Variants in CASK observed in about 807,000 individuals in gnomAD.
The protein encoded by CASK is calcium/calmodulin dependent serine protein kinase.
In CASK, 4 loss-of-function variants were observed where a neutral mutation model predicts 82.9. The ratio of observed to expected loss-of-function variants is 0.05; its 90% CI spans 0.02 to 0.11. The LOEUF is 0.11. Among genes scored for constraint, CASK ranks in the 10% least tolerant of loss-of-function variants. The pLI is 1.00. For missense variants in CASK, 358 were observed against 720.9 expected (o/e 0.50, Z 5.76); for synonymous variants, 259 against 253.5 (o/e 1.02, Z -0.20).
At chrX:41,858,621 G>A (rs2071418370) in intron 1 of CASK, among the ~76,000 whole-genome samples, 1 of 111,588 alleles carries the variant, frequency 9.0e-6, no homozygotes, top group South Asian at 3.8e-4. Flanking sequence ...CTTGCCAACC[G>A]ACTTCCCAGA....
intron 12 of CASK, among the ~76,000 whole-genome samples, chrX:41,602,839 C>T (rs1242406066): frequency 9.2e-6 from 1 of 109,289 alleles, no homozygotes; most frequent in Non-Finnish European, 1.9e-5. Flanking sequence ...TTGTTTCATG[C>T]CGTACTTTTA....
intron 3 of CASK, among the ~76,000 whole-genome samples, chrX:41,771,634 T>C (rs1421556004): frequency 9.0e-6 from 1 of 111,520 alleles, no homozygotes. Flanking sequence ...ATTTGATGTG[T>C]TACGAAGCAT....
At chrX:41,759,997 T>C (rs780811966) in intron 3 of CASK, among the ~76,000 whole-genome samples, 21 of 111,842 alleles carry the variant, frequency 1.9e-4, no homozygotes, top group Non-Finnish European at 3.6e-4. Context: ...CTAATCAATG[T>C]TGTTTGACAA....
intron 1 of CASK, among the ~76,000 whole-genome samples, chrX:41,921,010 A>G (rs1387276709): frequency 8.9e-6 from 1 of 112,165 alleles, no homozygotes; most frequent in African/African-American, 3.2e-5. Context: ...GAGGAAACCA[A>G]GGAGATTTTT....
At chrX:41,870,780 G>C (rs1464354619) in intron 1 of CASK, among the ~76,000 whole-genome samples, 1 of 111,962 alleles carries the variant, frequency 8.9e-6, no homozygotes, top group Admixed American at 9.4e-5. Context: ...AAAGAACTGA[G>C]ACACAGTGTT....
chrX:41,921,654 T>TGA lies in CASK; in HGVS notation c.59+1275_59+1276insTC, dbSNP rs767399760. ...AGGAGTAACATGTCCTCACATCAAT[T>TGA]GGGTCTGAGTAAAGTGTGTAGCAAG... On this transcript the variant is annotated intron_variant, in intron 1 of 26. Transcript: ENST00000378163. Among the ~76,000 whole-genome samples the TGA allele has an allele frequency of 2.1e-4, 23 of 111,003 alleles. No individual in the cohort carries two copies. The South Asian group carries it at 8.8e-3, about 42-fold the overall frequency.
At chrX:41,667,118 C>A (rs952332100) in intron 6 of CASK, among the ~76,000 whole-genome samples, 2 of 111,750 alleles carry the variant, frequency 1.8e-5, no homozygotes, top group Non-Finnish European at 3.8e-5. Context: ...CCAGTCCCAG[C>A]CATCCTGAGA....
intron 2 of CASK, among the ~76,000 whole-genome samples, chrX:41,843,632 A>C (rs1172409691): frequency 9.0e-6 from 1 of 111,561 alleles, no homozygotes; most frequent in Non-Finnish European, 1.9e-5. Context: ...CTGTGTTCAA[A>C]TTTTGAACAT....
At chrX:41,813,433 T>C (rs1330158219) in intron 2 of CASK, among the ~76,000 whole-genome samples, 1 of 110,356 alleles carries the variant, frequency 9.1e-6, no homozygotes, top group African/African-American at 3.3e-5. Context: ...TCAGAAATAA[T>C]ACCACACATC....
chrX:41,530,522 C>T (rs1361164333), intron 25 of CASK, among the ~76,000 whole-genome samples: 1 of 111,970 alleles, frequency 8.9e-6, no homozygotes, highest in African/African-American at 3.2e-5. Flanking sequence ...GACATCTGGG[C>T]TCACTCATGC....
chrX:41,731,245 C>T (rs1213444030), intron 5 of CASK, among the ~76,000 whole-genome samples: 2 of 111,420 alleles, frequency 1.8e-5, no homozygotes, highest in Admixed American at 1.9e-4. Flanking sequence ...CATAGTGAGA[C>T]CACGTCTCTA....
chrX:41,568,435 G>C (rs1376593862), intron 16 of CASK, among the ~76,000 whole-genome samples: 1 of 110,528 alleles, frequency 9.0e-6, no homozygotes, highest in Non-Finnish European at 1.9e-5. Context: ...ACATCATGTT[G>C]TGTACACAGT....
At chrX:41,804,220 C>A (rs957005994) in intron 2 of CASK, among the ~76,000 whole-genome samples, 1 of 110,573 alleles carries the variant, frequency 9.0e-6, no homozygotes, top group East Asian at 2.8e-4. Flanking sequence ...TGGTGGCGGG[C>A]GCCTGTGGTC....
At chrX:41,710,494 C>T (rs893294096) in intron 5 of CASK, among the ~76,000 whole-genome samples, 2 of 111,543 alleles carry the variant, frequency 1.8e-5, no homozygotes, top group South Asian at 3.7e-4. Context: ...AATGTTTAGC[C>T]AGCACACTCA....
intron 12 of CASK, among the ~76,000 whole-genome samples, chrX:41,596,990 A>T (rs979873825): frequency 2.7e-5 from 3 of 112,694 alleles, no homozygotes; most frequent in South Asian, 7.2e-4. Context: ...AAACATAAAG[A>T]TGATAAAATC....
chrX:41,695,504 G>T, intron 5 of CASK: 1 of 478,653 alleles, frequency 2.1e-6, no homozygotes, highest in South Asian at 3.5e-5. Flanking sequence ...TTTAGTTAAA[G>T]TAACTGTTAT....
chrX:41,910,244 C>T (rs866043899), intron 1 of CASK, among the ~76,000 whole-genome samples: 39 of 109,832 alleles, frequency 3.6e-4, no homozygotes, highest in Middle Eastern at 4.8e-3. Flanking sequence ...TGTTTTATTT[C>T]AATAAAATTG....
chrX:41,776,850 C>A (rs2069374526), intron 3 of CASK, among the ~76,000 whole-genome samples: 1 of 112,142 alleles, frequency 8.9e-6, no homozygotes, highest in Non-Finnish European at 1.9e-5. Context: ...GTAAACATGT[C>A]AATTATTCTC....
chrX:41,923,450 G>C lies in CASK; in HGVS notation c.-462C>G, dbSNP rs1241926499. 1 of 111,422 alleles carries C rather than the reference G, an allele frequency of 9.0e-6. No homozygotes were observed. Among genetic ancestry groups the C allele is most frequent in the Non-Finnish European group, 1.9e-5 (1 of 52,748 alleles). 9.2% of individuals were successfully genotyped at this position (111,422 alleles called of 1,213,427 possible). ...CATGGAGCGAGGATCGCCGCGGAGGGAGGTGGCGGCGGCGGCGGATCGGCG... is the reference window on the plus strand; with the variant it reads ...CATGGAGCGAGGATCGCCGCGGAGGCAGGTGGCGGCGGCGGCGGATCGGCG... On this transcript the variant is annotated 5_prime_UTR_variant, in exon 1 of 27. Transcript: ENST00000378163.
Sources: gnomAD v4.1 joint callset for allele counts (sites outside exome capture counted in the v4.1 genomes callset) on GRCh38, gnomAD v4.1.1 for gene constraint, MANE v1.5 for transcripts, NCBI Gene and HGNC (gene_info 2026-07-23, HGNC 2026-07-21) for gene names.